Variants in VPS8 observed in about 807,000 individuals in gnomAD.
VPS8 encodes vacuolar protein sorting-associated protein 8 homolog.
VPS8 carries 129 observed loss-of-function variants against 216.4 expected under a neutral mutation model. That is an observed-to-expected ratio of 0.60 (90% CI 0.52 to 0.69). The LOEUF is 0.69. Ranked by LOEUF, VPS8 falls within the 30% of genes least tolerant of loss-of-function variation. The pLI is 0.00. For missense variants in VPS8, 1,531 were observed against 1,683.5 expected, an observed-to-expected ratio of 0.91 and a Z score of 1.59; for synonymous variants, 571 against 565.4, an observed-to-expected ratio of 1.01 and a Z score of -0.14.
At chr3:184,816,081 T>C (rs1312542620) in intron 1 of VPS8, 1 of 152,188 alleles carries the variant, frequency 6.6e-6, no homozygotes, top group African/African-American at 2.4e-5. Flanking sequence ...TCTTTGGAGC[T>C]GAAGTGGGTC....
intron 47 of VPS8, among the ~76,000 whole-genome samples, chr3:185,049,036 C>T (rs1713598836): frequency 6.6e-6 from 1 of 152,220 alleles, no homozygotes; most frequent in Admixed American, 6.5e-5. Context: ...CTCCCTTCAG[C>T]TTTCTTCTGT....
intron 37 of VPS8, among the ~76,000 whole-genome samples, chr3:184,962,041 C>T (rs1412363403): frequency 1.3e-5 from 2 of 152,212 alleles, no homozygotes; most frequent in Non-Finnish European, 2.9e-5. Flanking sequence ...GGATTACTGG[C>T]GTGAGCCAGT....
chr3:184,876,783 C>T lies in VPS8; in HGVS notation c.1734+5978C>T, dbSNP rs76715884. Among the ~76,000 whole-genome samples the T allele has an allele frequency of 6.1e-3, 928 of 152,318 alleles. 19 individuals are homozygous for T. Among genetic ancestry groups the T allele is most frequent in the African/African-American group, 0.021 (865 of 41,558 alleles). ...CTGTTAATTCTGCCACTATCCTAGT[C>T]TAAGTGCCCATCATTTCCCTCTTGG... On this transcript the variant is annotated intron_variant, in intron 21 of 47. Coordinates refer to ENST00000625842, the MANE Select transcript of VPS8 (RefSeq NM_001009921.3).
At chr3:185,047,356 A>G (rs1713160498) in intron 46 of VPS8, among the ~76,000 whole-genome samples, 1 of 145,378 alleles carries the variant, frequency 6.9e-6, no homozygotes, top group Admixed American at 6.7e-5. Context: ...CATTATCCCC[A>G]TGTGAGCAAA....
At chr3:184,870,833 C>T (rs1351218129) in intron 21 of VPS8, 28 bp downstream of exon 21, 6 of 1,566,812 alleles carry the variant, frequency 3.8e-6, no homozygotes, top group East Asian at 4.5e-5. Flanking sequence ...TTCCAGTAGA[C>T]GATGCTCTGG....
rs200813084 is a variant in VPS8, at chr3:184,870,813, T to C, written c.1734+8T>C. ...ATGGAGCAGCATTTTCAGGTACACA[T>C]TGCATGTGCTTCCAGTAGACGATGC... On this transcript the variant is annotated splice_region_variant and intron_variant, in intron 21 of 47. Transcript: ENST00000625842. 2.4e-5 allele frequency: 38 copies of C among 1,606,708 alleles called. No homozygotes were observed. The African/African-American group carries it at 3.1e-4, about 13-fold the overall frequency.
At chr3:185,045,765 TAAAAA>T (rs71632043) in intron 46 of VPS8, among the ~76,000 whole-genome samples, 2 of 129,088 alleles carry the variant, frequency 1.5e-5, no homozygotes. Context: ...AGACTCCGTC[TAAAAA>T]AAAAAAAAAA....
chr3:184,940,847 G>A (rs1171656956), intron 36 of VPS8, among the ~76,000 whole-genome samples: 2 of 152,188 alleles, frequency 1.3e-5, no homozygotes, highest in African/African-American at 4.8e-5. Context: ...AAGTTTTGCT[G>A]TAACTACATA....
At chr3:184,832,434 A>G (rs1720192908) in intron 3 of VPS8, among the ~76,000 whole-genome samples, 1 of 152,234 alleles carries the variant, frequency 6.6e-6, no homozygotes. Context: ...AGCTAACAGT[A>G]ATCTGCATAC....
rs376041811 is a variant in VPS8, at chr3:184,924,842, T to A, written c.2455-20T>A. ...CAAACCAAATGGTGTATTGAATAAATGGTCTCCTTTGCTCTTCAGGTTATG... is the reference window on the plus strand; with the variant it reads ...CAAACCAAATGGTGTATTGAATAAAAGGTCTCCTTTGCTCTTCAGGTTATG... On this transcript the variant is annotated intron_variant, in intron 29 of 47. Coordinates refer to ENST00000625842, the MANE Select transcript of VPS8 (RefSeq NM_001009921.3). 6.3e-7 allele frequency: 1 copy of A among 1,596,352 alleles called. No individual in the cohort carries two copies. The highest frequency in any genetic ancestry group is 8.5e-7 in the Non-Finnish European group (1 of 1,174,368).
chr3:184,918,157 A>G (rs1007081922), intron 28 of VPS8, among the ~76,000 whole-genome samples: 2 of 152,202 alleles, frequency 1.3e-5, no homozygotes, highest in African/African-American at 2.4e-5. Context: ...TTAAGAGGCA[A>G]ATCAGCCTCA....
intron 24 of VPS8, among the ~76,000 whole-genome samples, chr3:184,898,960 C>T (rs1347188885): frequency 6.6e-6 from 1 of 152,026 alleles, no homozygotes; most frequent in African/African-American, 2.4e-5. Flanking sequence ...TTTGATACTG[C>T]AGTAACTTTT....
chr3:184,922,628 C>A (rs1211516621), intron 29 of VPS8: 4 of 307,518 alleles, frequency 1.3e-5, no homozygotes, highest in Non-Finnish European at 2.6e-5. Context: ...GTTTATCTTG[C>A]GTCAATGAAG....
chr3:184,911,390 G>A (rs1736502387), intron 25 of VPS8, among the ~76,000 whole-genome samples: 1 of 152,174 alleles, frequency 6.6e-6, no homozygotes, highest in Non-Finnish European at 1.5e-5. Context: ...AGAAAGGTGT[G>A]TAAATCAAAA....
chr3:184,828,170 C>G (rs759175938), intron 3 of VPS8, among the ~76,000 whole-genome samples: 1 of 152,090 alleles, frequency 6.6e-6, no homozygotes, highest in Non-Finnish European at 1.5e-5. Context: ...GATGGAGTCT[C>G]ACTCCATCGC....
At chr3:184,944,690 A>G (rs1247298253) in intron 36 of VPS8, 7 of 645,152 alleles carry the variant, frequency 1.1e-5, no homozygotes, top group Non-Finnish European at 1.2e-5. Context: ...TGAAACATAT[A>G]GTATGATTTT....
chr3:184,911,508 A>G (rs1337852020), intron 25 of VPS8, among the ~76,000 whole-genome samples: 1 of 152,242 alleles, frequency 6.6e-6, no homozygotes, highest in African/African-American at 2.4e-5. Context: ...TGCTTTTTCC[A>G]CAGAGGGTTT....
chr3:184,906,399 C>G (rs893606402), intron 25 of VPS8, among the ~76,000 whole-genome samples: 1 of 152,154 alleles, frequency 6.6e-6, no homozygotes, highest in African/African-American at 2.4e-5. Flanking sequence ...TGTTGAATGT[C>G]TTCTGTTGTT....
intron 45 of VPS8, among the ~76,000 whole-genome samples, chr3:185,016,966 G>A (rs939553470): frequency 7.9e-5 from 12 of 151,814 alleles, no homozygotes; most frequent in Non-Finnish European, 1.2e-4. Context: ...TAGGAACTTC[G>A]TCTTTCTGCT....
Sources: allele counts gnomAD v4.1 joint callset (sites outside exome capture counted in the v4.1 genomes callset), GRCh38; gene constraint gnomAD v4.1.1; transcripts MANE v1.5; gene names NCBI Gene and HGNC (gene_info 2026-07-23, HGNC 2026-07-21).